The following ZMIZ1 variants were observed in gnomAD, a reference collection of about 807,000 sequenced individuals.
The protein encoded by ZMIZ1 is zinc finger MIZ domain-containing protein 1.
ZMIZ1 carries 17 observed loss-of-function variants against 113.9 expected under a neutral mutation model. The ratio of observed to expected loss-of-function variants is 0.15; its 90% CI spans 0.10 to 0.22. The LOEUF (loss-of-function observed/expected upper bound fraction) is 0.22, where lower values mean the gene tolerates loss of function less well. Among genes scored for constraint, ZMIZ1 ranks in the 10% least tolerant of loss-of-function variants. The pLI is 1.00. For missense variants in ZMIZ1, 1,059 were observed against 1,477.8 expected, an observed-to-expected ratio of 0.72 and a Z score of 4.65; for synonymous variants, 607 against 603.1, an observed-to-expected ratio of 1.01 and a Z score of -0.09.
rs370704049 is a variant in ZMIZ1, at chr10:79,313,379, C to T, written c.*630C>T. ...CCCTGACCTATAAGCCAAGATACCCCATAAACACACTCAGAAAGCAGAGAA... is the reference window on the plus strand; with the variant it reads ...CCCTGACCTATAAGCCAAGATACCCTATAAACACACTCAGAAAGCAGAGAA... On this transcript the variant is annotated 3_prime_UTR_variant, in exon 25 of 25. Transcript: ENST00000334512. The T allele has an allele frequency of 6.4e-6, 1 of 156,480 alleles. No homozygotes were observed. The highest frequency in any genetic ancestry group is 1.4e-5 in the Non-Finnish European group (1 of 70,870). The allele number at this position is 156,480 out of a possible 1,614,324, so 9.7% of individuals were successfully genotyped here.
At chr10:79,183,535 A>G (rs1847220953) in intron 4 of ZMIZ1, among the ~76,000 whole-genome samples, 1 of 152,150 alleles carries the variant, frequency 6.6e-6, no homozygotes, top group Admixed American at 6.5e-5. Flanking sequence ...TGAAGGATGC[A>G]AGGCTGGGAG....
At chr10:79,236,119 A>G (rs1849577641) in intron 7 of ZMIZ1, among the ~76,000 whole-genome samples, 1 of 152,212 alleles carries the variant, frequency 6.6e-6, no homozygotes, top group African/African-American at 2.4e-5. Flanking sequence ...TCCAGGCACG[A>G]TGGGTCCGAT....
At chr10:79,082,545 C>T (rs1197240894) in intron 1 of ZMIZ1, among the ~76,000 whole-genome samples, 1 of 152,230 alleles carries the variant, frequency 6.6e-6, no homozygotes, top group Non-Finnish European at 1.5e-5. Context: ...ATGCCCTTCT[C>T]ATCCCATTTC....
chr10:79,219,681 A>C (rs762019132), intron 7 of ZMIZ1, among the ~76,000 whole-genome samples: 3 of 152,088 alleles, frequency 2.0e-5, no homozygotes, highest in Non-Finnish European at 4.4e-5. Flanking sequence ...GTAATTTAGA[A>C]AGCCCTTTCC....
At chr10:79,193,810 C>T (rs751858059) in intron 4 of ZMIZ1, among the ~76,000 whole-genome samples, 7 of 152,144 alleles carry the variant, frequency 4.6e-5, no homozygotes, top group Non-Finnish European at 8.8e-5. Flanking sequence ...CATGGAGGTG[C>T]GATCTTCAGA....
At chr10:79,283,453 T>G (rs11002909) in intron 8 of ZMIZ1, among the ~76,000 whole-genome samples, 16,427 of 152,196 alleles carry the variant, frequency 0.11, 1,891 homozygotes, top group African/African-American at 0.29. Flanking sequence ...CCAGTCATTA[T>G]TCCCCTGATC....
intron 5 of ZMIZ1, 39 bp from the exon 6 acceptor site, chr10:79,208,297 C>G: frequency 6.3e-7 from 1 of 1,586,778 alleles, no homozygotes; most frequent in Non-Finnish European, 8.7e-7. Flanking sequence ...GCTACCCTCA[C>G]TCTTGGAGCC....
intron 7 of ZMIZ1, among the ~76,000 whole-genome samples, chr10:79,227,528 C>T (rs1187001706): frequency 6.6e-6 from 1 of 152,134 alleles, no homozygotes; most frequent in Non-Finnish European, 1.5e-5. Flanking sequence ...ATGGTTCTCT[C>T]GTTTGACAAA....
At chr10:79,087,010 G>T (rs1842836218) in intron 1 of ZMIZ1, among the ~76,000 whole-genome samples, 1 of 152,198 alleles carries the variant, frequency 6.6e-6, no homozygotes, top group Non-Finnish European at 1.5e-5. Context: ...CACTGCTTTG[G>T]TTGTTCTTTG....
chr10:79,307,264 A>G (rs1854771028), intron 22 of ZMIZ1, 141 bp from the exon 23 acceptor site: 1 of 775,524 alleles, frequency 1.3e-6, no homozygotes, highest in Non-Finnish European at 2.1e-6. Flanking sequence ...TACAGCCCGG[A>G]AGCCTCGGGC....
In ZMIZ1 at chr10:79,311,285, G is replaced by A. The variant is rs1398712047; in HGVS notation, c.3096+101G>A. 9 of 1,406,516 alleles carry A rather than the reference G, an allele frequency of 6.4e-6. 1 individual carries two copies. The highest frequency in any genetic ancestry group is 8.5e-6 in the Non-Finnish European group (9 of 1,060,064). 87.1% of individuals were successfully genotyped at this position (1,406,516 alleles called of 1,614,324 possible). A position where few individuals can be genotyped will look rare whatever the true frequency, so the allele number is the denominator to read the frequency against. ...GTGAGGGCTCGAGGCCCCGAAGGGA[G>A]GAGGTGGGTGGGCGGTGGGAGGGCT... is the stretch of plus-strand genomic sequence containing the variant. On this transcript the variant is annotated intron_variant, in intron 24 of 24. Transcript: ENST00000334512.
intron 4 of ZMIZ1, among the ~76,000 whole-genome samples, chr10:79,197,333 G>T (rs1269999520): frequency 6.6e-6 from 1 of 152,162 alleles, no homozygotes; most frequent in Non-Finnish European, 1.5e-5. Context: ...GACCACCAGG[G>T]TCCTTTGGCT....
intron 4 of ZMIZ1, among the ~76,000 whole-genome samples, chr10:79,197,641 C>CCT (rs1847898339): frequency 6.6e-6 from 1 of 151,620 alleles, no homozygotes; most frequent in African/African-American, 2.4e-5. Flanking sequence ...CACACACACA[C>CCT]ACCTGTACCC....
intron 1 of ZMIZ1, among the ~76,000 whole-genome samples, chr10:79,114,665 C>T (rs143373758): frequency 1.3e-5 from 2 of 152,296 alleles, no homozygotes; most frequent in Non-Finnish European, 2.9e-5. Flanking sequence ...TCAGCACCCC[C>T]CTCCACAAAT....
intron 4 of ZMIZ1, among the ~76,000 whole-genome samples, chr10:79,184,876 G>C (rs972969474): frequency 6.6e-6 from 1 of 152,140 alleles, no homozygotes; most frequent in African/African-American, 2.4e-5. Flanking sequence ...GCCTCCTCAG[G>C]GTCCTCAGCT....
chr10:79,204,209 A>C (rs779892848), intron 5 of ZMIZ1, among the ~76,000 whole-genome samples: 3 of 152,248 alleles, frequency 2.0e-5, no homozygotes, highest in East Asian at 3.9e-4. Flanking sequence ...CTCTCCACAC[A>C]GCCTTCCCTT....
rs1855438872 is a variant in ZMIZ1 at position 79,314,932 on chromosome 10, A to G, written c.*2183A>G. 1 of 152,640 alleles carries G rather than the reference A, an allele frequency of 6.6e-6. No homozygotes were observed. Among genetic ancestry groups the G allele is most frequent in the Non-Finnish European group, 1.5e-5 (1 of 68,210 alleles). The allele number at this position is 152,640 out of a possible 1,614,324, so 9.5% of individuals were successfully genotyped here. On this transcript the variant is annotated 3_prime_UTR_variant, in exon 25 of 25. Coordinates refer to ENST00000334512, the MANE Select transcript of ZMIZ1 (RefSeq NM_020338.4). The stretch of plus-strand genomic sequence containing the variant: ...AATTAAGCTCCAGACAGACTTACAG[A>G]TGCCTTCCTTAGGAGTTCTTGCTTC...
intron 4 of ZMIZ1, among the ~76,000 whole-genome samples, chr10:79,197,362 A>G (rs1408567233): frequency 6.6e-6 from 1 of 152,176 alleles, no homozygotes; most frequent in Non-Finnish European, 1.5e-5. Flanking sequence ...GCCTGGCACC[A>G]GGAACTGAGA....
intron 7 of ZMIZ1, among the ~76,000 whole-genome samples, chr10:79,275,694 G>A (rs1852244426): frequency 6.6e-6 from 1 of 152,186 alleles, no homozygotes; most frequent in Non-Finnish European, 1.5e-5. Context: ...CCTTCTGAAG[G>A]CTTTCACCTC....
Sources: allele counts gnomAD v4.1 joint callset (sites outside exome capture counted in the v4.1 genomes callset), GRCh38; gene constraint gnomAD v4.1.1; transcripts MANE v1.5; gene names NCBI Gene and HGNC (gene_info 2026-07-23, HGNC 2026-07-21).